Variants in EVC2 observed in about 807,000 individuals in gnomAD.
EVC2 encodes the protein EvC ciliary complex subunit 2.
EVC2 carries 148 observed loss-of-function variants against 149.3 expected under a neutral mutation model. The ratio of observed to expected loss-of-function variants is 0.99; its 90% CI spans 0.87 to 1.14. EVC2 has a LOEUF of 1.14. EVC2 is among the 50% of genes most tolerant of loss of function. EVC2 has a pLI of 0.00. For synonymous variants in EVC2, 776 were observed against 649.9 expected (o/e 1.19, Z -2.95); for missense variants, 1,854 against 1,627.3 (o/e 1.14, Z -2.40).
intron 9 of EVC2, among the ~76,000 whole-genome samples, chr4:5,646,120 T>G (rs573572998): frequency 2.0e-4 from 30 of 152,158 alleles, no homozygotes; most frequent in Admixed American, 2.0e-4. Flanking sequence ...TAGTAGAGAC[T>G]GGGTTTCATC....
intron 12 of EVC2, among the ~76,000 whole-genome samples, 194 bp from the exon 13 acceptor site, chr4:5,626,102 G>A (rs1716089488): frequency 6.6e-6 from 1 of 152,156 alleles, no homozygotes; most frequent in Non-Finnish European, 1.5e-5. Context: ...AGAAAGCTCA[G>A]CACAAGAGAG....
intron 1 of EVC2, among the ~76,000 whole-genome samples, chr4:5,699,305 A>G (rs1416373128): frequency 1.3e-5 from 2 of 152,210 alleles, no homozygotes; most frequent in Non-Finnish European, 2.9e-5. Context: ...GTTTGTTCAC[A>G]CGGAGCTTAT....
intron 9 of EVC2, among the ~76,000 whole-genome samples, chr4:5,659,402 A>G (rs907660873): frequency 6.9e-6 from 1 of 144,912 alleles, no homozygotes; most frequent in Admixed American, 6.8e-5. Flanking sequence ...CAATGCTATA[A>G]TTGAAAAAAA....
chr4:5,550,504 CA>C (rs1721716847), intron 21 of EVC2, among the ~76,000 whole-genome samples: 1 of 152,112 alleles, frequency 6.6e-6, no homozygotes, highest in African/African-American at 2.4e-5. Context: ...TTTCTAGCAG[CA>C]AAGCATTCAA....
At position 5,628,563 on chromosome 4, in the gene EVC2, C is replaced by A. The variant is rs186197620; in HGVS notation, c.1882G>T (p.Glu628Ter). 1 of 1,614,102 alleles carries A rather than the reference C, an allele frequency of 6.2e-7. No individual in the cohort carries two copies. The highest frequency in any genetic ancestry group is 8.5e-7 in the Non-Finnish European group (1 of 1,180,026). ...AQLTHLIQKH[E>*]RAGYLDEDQM... ...TGGGACAGTGTTGAGTGGTACCTCT[C>A]GTGCTTCTGAATGAGGTGAGTCAGC... The change falls in exon 12 of 22, where the codon GAG (glutamate) becomes TAG (stop). Residue 628 changes from glutamate to a stop codon, truncating the protein, a stop_gained. Transcript: ENST00000344408. LOFTEE classifies it high-confidence loss of function.
chr4:5,615,623 G>A, intron 15 of EVC2, 79 bp from the exon 16 acceptor site: 3 of 1,603,648 alleles, frequency 1.9e-6, no homozygotes, highest in Non-Finnish European at 2.6e-6. Flanking sequence ...GGCTTTGCAG[G>A]TCAAGAGAAG....
intron 7 of EVC2, among the ~76,000 whole-genome samples, chr4:5,669,021 T>C (rs1355044872): frequency 1.3e-5 from 2 of 152,138 alleles, no homozygotes; most frequent in Non-Finnish European, 2.9e-5. Context: ...AAGATGGCCA[T>C]GTGAAGATGG....
In EVC2 at chr4:5,584,758, C is replaced by T; in HGVS notation, c.2922G>A (p.Lys974=). ...ACAGAGTCTCGGTCACCCGGGACGC[C>T]TTCTGGAACTGCAGAGCAACAAGCG... is the stretch of plus-strand genomic sequence containing the variant. ...AQSLVALQFQ[K]ASRVTETLSA... Residue 974 remains lysine, a synonymous_variant, in exon 17 of 22, where the codon AAG becomes AAA. Coordinates refer to ENST00000344408, the MANE Select transcript of EVC2 (RefSeq NM_147127.5). 6.2e-7 allele frequency: 1 copy of T among 1,614,170 alleles called. No individual in the cohort carries two copies.
intron 21 of EVC2, among the ~76,000 whole-genome samples, chr4:5,551,209 C>A (rs1477759696): frequency 6.6e-6 from 1 of 152,180 alleles, no homozygotes; most frequent in Non-Finnish European, 1.5e-5. Context: ...TGACAGCTTG[C>A]ATCATGCACC....
chr4:5,623,640 T>G (rs78669688), intron 13 of EVC2, among the ~76,000 whole-genome samples: 158 of 152,276 alleles, frequency 1.0e-3, no homozygotes, highest in African/African-American at 3.6e-3. Flanking sequence ...GTGCCAGGTC[T>G]AGAAAGTTAC....
intron 20 of EVC2, among the ~76,000 whole-genome samples, chr4:5,566,386 G>T (rs1369409008): frequency 6.6e-6 from 1 of 152,166 alleles, no homozygotes; most frequent in Admixed American, 6.5e-5. Flanking sequence ...AGAGAAGGGC[G>T]GTCTTCTGAA....
chr4:5,568,532 C>T lies in EVC2; in HGVS notation c.3469G>A (p.Ala1157Thr). The change falls in exon 20 of 22, where the codon GCC becomes ACC. Residue 1157 changes from alanine to threonine, a missense_variant. Physicochemically the swap from Ala to Thr is moderately conservative, Grantham distance 58. Coordinates refer to ENST00000344408, the MANE Select transcript of EVC2 (RefSeq NM_147127.5). ...LPTASQPQLL[A>T]LLDSATERHV... ...CTCTCGGTGGCCGAATCCAGCAGGGCCAGCAGCTGAGGCTGTGAGGCTGTG... is the reference window on the plus strand; with the variant it reads ...CTCTCGGTGGCCGAATCCAGCAGGGTCAGCAGCTGAGGCTGTGAGGCTGTG... The T allele has an allele frequency of 2.5e-6, 4 of 1,593,698 alleles. No individual in the cohort carries two copies. The highest frequency in any genetic ancestry group is 3.4e-6 in the Non-Finnish European group (4 of 1,174,966).
At chr4:5,635,638 T>C (rs1716845104) in intron 10 of EVC2, among the ~76,000 whole-genome samples, 1 of 152,210 alleles carries the variant, frequency 6.6e-6, no homozygotes, top group Non-Finnish European at 1.5e-5. Flanking sequence ...TGTGCTGTCA[T>C]ACTCCCCATA....
intron 6 of EVC2, among the ~76,000 whole-genome samples, chr4:5,684,865 A>G (rs1033253207): frequency 5.9e-5 from 9 of 152,158 alleles, no homozygotes; most frequent in Admixed American, 2.6e-4. Flanking sequence ...ACAGACGTGC[A>G]GCCAGGGAAG....
chr4:5,651,634 T>C (rs966191777), intron 9 of EVC2, among the ~76,000 whole-genome samples: 1 of 152,200 alleles, frequency 6.6e-6, no homozygotes, highest in Non-Finnish European at 1.5e-5. Flanking sequence ...AACTGTAGCA[T>C]GGAAAATGTA....
intron 13 of EVC2, 23 bp from the exon 14 acceptor site, chr4:5,623,014 T>G (rs1715834672): frequency 1.2e-6 from 2 of 1,612,078 alleles, no homozygotes; most frequent in Non-Finnish European, 8.5e-7. Context: ...AAAAGAAAAT[T>G]AAGTGGGGGT....
At chr4:5,581,733 G>A (rs1711821111) in intron 17 of EVC2, among the ~76,000 whole-genome samples, 1 of 152,150 alleles carries the variant, frequency 6.6e-6, no homozygotes, top group Non-Finnish European at 1.5e-5. Context: ...GAAACAGAAG[G>A]GTTTTCAGAG....
intron 7 of EVC2, among the ~76,000 whole-genome samples, chr4:5,673,078 C>T (rs1719755044): frequency 6.6e-6 from 1 of 152,174 alleles, no homozygotes; most frequent in Non-Finnish European, 1.5e-5. Flanking sequence ...GTGATGGCTG[C>T]ACAACACCTA....
chr4:5,589,868 C>A (rs1293216352), intron 16 of EVC2, among the ~76,000 whole-genome samples: 2 of 152,142 alleles, frequency 1.3e-5, no homozygotes, highest in Non-Finnish European at 2.9e-5. Context: ...GTGCCTGACA[C>A]ATTGGAGTGT....
Sources: gnomAD v4.1 joint callset for allele counts (sites outside exome capture counted in the v4.1 genomes callset) on GRCh38, gnomAD v4.1.1 for gene constraint, MANE v1.5 for transcripts, NCBI Gene and HGNC (gene_info 2026-07-23, HGNC 2026-07-21) for gene names.